The following SDK2 variants were observed in gnomAD, a reference collection of about 807,000 sequenced individuals.
SDK2 encodes the protein protein sidekick-2.
SDK2 carries 105 observed loss-of-function variants against 253.9 expected under a neutral mutation model. That is an observed-to-expected ratio of 0.41 (90% CI 0.35 to 0.49). SDK2 has a LOEUF of 0.49. Ranked by LOEUF, SDK2 falls within the 20% of genes least tolerant of loss-of-function variation. SDK2 has a pLI of 0.06. For missense variants in SDK2, 2,608 were observed against 3,003.0 expected (o/e 0.87, Z 3.07); for synonymous variants, 1,249 against 1,234.9 (o/e 1.01, Z -0.24).
At chr17:73,423,260 G>T in intron 14 of SDK2, 126 bp downstream of exon 14, 3 of 892,804 alleles carry the variant, frequency 3.4e-6, no homozygotes, top group Non-Finnish European at 4.5e-6. Context: ...CGCTGAGGCT[G>T]CCAGAGGGAA....
intron 27 of SDK2, among the ~76,000 whole-genome samples, chr17:73,392,042 A>G (rs1236352517): frequency 1.3e-5 from 2 of 152,144 alleles, no homozygotes; most frequent in Non-Finnish European, 2.9e-5. Flanking sequence ...CAGAGGCTGC[A>G]TGGGCCTCGT....
chr17:73,581,706 C>T (rs1427524182), intron 1 of SDK2, among the ~76,000 whole-genome samples: 3 of 152,234 alleles, frequency 2.0e-5, no homozygotes, highest in African/African-American at 4.8e-5. Flanking sequence ...TCAAAGGACA[C>T]CTCGGGGAGG....
At chr17:73,353,207 C>T (rs901384768) in intron 40 of SDK2, among the ~76,000 whole-genome samples, 14 of 152,102 alleles carry the variant, frequency 9.2e-5, no homozygotes, top group Admixed American at 7.9e-4. Flanking sequence ...ACAGAACCAC[C>T]GTCCAGAGAA....
chr17:73,418,868 C>T lies in SDK2; in HGVS notation c.2186+298G>A, dbSNP rs1290459266. On this transcript the variant is annotated intron_variant, in intron 16 of 44. Coordinates refer to ENST00000392650, the MANE Select transcript of SDK2 (RefSeq NM_001144952.2). ...TATTCGCGGCTTCCCAGAGCGTTGC[C>T]CCTTGGAAAGTTACTTATTTCTTCT... is the stretch of plus-strand genomic sequence containing the variant. Among the ~76,000 whole-genome samples, 8 of 152,270 alleles carry T rather than the reference C, an allele frequency of 5.3e-5. No homozygotes were observed. The South Asian group carries it at 1.5e-3, about 28-fold the overall frequency.
rs143420601 is a variant in SDK2 at position 73,361,819 on chromosome 17, C to G, written c.5332G>C (p.Val1778Leu). The G allele has an allele frequency of 1.9e-6, 3 of 1,602,958 alleles. No homozygotes were observed. The Admixed American group carries it at 5.1e-5, about 27-fold the overall frequency. Residue 1778 changes from valine (V) to leucine (L), a missense_variant, in exon 39 of 45, where the codon GTG (valine) becomes CTG (leucine). Coordinates refer to ENST00000392650, the MANE Select transcript of SDK2 (RefSeq NM_001144952.2). This position sits in a 1 kb window ranked among gnomAD's most constrained non-coding sequence, Gnocchi z 4.1. ...DGVSKIVTVD[V>L]KGNSPLWLKV... is the part of the protein sequence containing the mutation. ...AGCCACAGGGGGCTGTTCCCCTTCACGTCCACGGTCACGATCTTGCTGACT... is the reference window on the plus strand; with the variant it reads ...AGCCACAGGGGGCTGTTCCCCTTCAGGTCCACGGTCACGATCTTGCTGACT...
intron 1 of SDK2, among the ~76,000 whole-genome samples, chr17:73,532,050 G>A (rs1342854567): frequency 6.6e-6 from 1 of 152,150 alleles, no homozygotes; most frequent in Non-Finnish European, 1.5e-5. Flanking sequence ...TTCTCAAGGG[G>A]GGGTCATTCT....
chr17:73,537,222 T>C (rs888237689), intron 1 of SDK2, among the ~76,000 whole-genome samples: 1 of 152,154 alleles, frequency 6.6e-6, no homozygotes, highest in African/African-American at 2.4e-5. Context: ...CCCTGAGAAA[T>C]CAAAGTTGAA....
chr17:73,388,856 T>C (rs1290285548), intron 29 of SDK2, among the ~76,000 whole-genome samples: 1 of 93,324 alleles, frequency 1.1e-5, no homozygotes, highest in Non-Finnish European at 2.3e-5. Flanking sequence ...TTCCTTTTCT[T>C]TCTCCCTCTC....
chr17:73,339,604 C>A (rs2145364705), intron 44 of SDK2, among the ~76,000 whole-genome samples: 1 of 152,148 alleles, frequency 6.6e-6, no homozygotes, highest in Admixed American at 6.5e-5. Context: ...GTTGCCCAGG[C>A]TGGAGCACAG....
intron 36 of SDK2, among the ~76,000 whole-genome samples, chr17:73,378,565 G>A (rs535657965): frequency 2.0e-4 from 30 of 152,092 alleles, no homozygotes; most frequent in African/African-American, 7.0e-4. Context: ...GATTACCGGT[G>A]CCTGCCACCA....
In SDK2 at chr17:73,395,496, C is replaced by A; in HGVS notation, c.3355-104G>T. ...TCCTCCAGGGCGCCTTCAGGGCTAT[C>A]CATCCCACTGTCACCCGGTCAGTGT... On this transcript the variant is annotated intron_variant, in intron 24 of 44. Coordinates refer to ENST00000392650, the MANE Select transcript of SDK2 (RefSeq NM_001144952.2). The surrounding 1 kb of genome is among the most constrained non-coding windows in gnomAD (Gnocchi z 4.3). The A allele has an allele frequency of 1.2e-6, 1 of 827,824 alleles. No homozygotes were observed. The highest frequency in any genetic ancestry group is 2.0e-6 in the Non-Finnish European group (1 of 512,356). The allele number at this position is 827,824 out of a possible 1,614,324, so 51.3% of individuals were successfully genotyped here.
chr17:73,437,611 C>T, intron 8 of SDK2, 128 bp downstream of exon 8: 1 of 821,178 alleles, frequency 1.2e-6, no homozygotes. Context: ...GCTCAGACAG[C>T]CAGACAGACT....
chr17:73,470,591 C>T (rs1350427931), intron 3 of SDK2, among the ~76,000 whole-genome samples: 1 of 152,242 alleles, frequency 6.6e-6, no homozygotes, highest in African/African-American at 2.4e-5. Flanking sequence ...TTTTCTGCTC[C>T]TTGGAGTAAG....
intron 2 of SDK2, among the ~76,000 whole-genome samples, chr17:73,473,899 A>G (rs183480239): frequency 6.6e-6 from 1 of 152,384 alleles, no homozygotes; most frequent in Admixed American, 6.5e-5. Flanking sequence ...AATATTAAAA[A>G]GTGCCAGGGA....
intron 1 of SDK2, among the ~76,000 whole-genome samples, chr17:73,551,801 C>T (rs2045063828): frequency 6.6e-6 from 1 of 152,156 alleles, no homozygotes; most frequent in African/African-American, 2.4e-5. Flanking sequence ...GACCTTCAGA[C>T]CACCCCACCC....
At chr17:73,394,536 T>C (rs1478063948) in intron 25 of SDK2, among the ~76,000 whole-genome samples, 1 of 152,196 alleles carries the variant, frequency 6.6e-6, no homozygotes, top group Non-Finnish European at 1.5e-5. Context: ...CGGTTTCAGA[T>C]GAGCCTCCTC....
chr17:73,353,700 A>AT (rs11370066), intron 40 of SDK2, among the ~76,000 whole-genome samples: 42,280 of 96,950 alleles, frequency 0.44, 10,852 homozygotes, highest in East Asian at 0.69. Flanking sequence ...TGCCTGGCCA[A>AT]TTTTTTTTTT....
chr17:73,636,680 CAAAAAAAAAAAAAA>C (rs561026344), intron 1 of SDK2, among the ~76,000 whole-genome samples: 1 of 50,988 alleles, frequency 2.0e-5, no homozygotes, highest in Non-Finnish European at 3.6e-5. Context: ...GACTCTGTCT[CAAAAAAAAAAAAAA>C]AAAAAAAAAA....
rs1330037710 is a variant in SDK2, at chr17:73,358,135, C to A, written c.5537G>T (p.Ser1846Ile). 5 of 1,613,184 alleles carry A rather than the reference C, an allele frequency of 3.1e-6. No individual in the cohort carries two copies. The highest frequency in any genetic ancestry group is 4.2e-6 in the Non-Finnish European group (5 of 1,179,746). ...GATGGGCCCTTTGCCCGGGTCTCCGCTGGACCAGTGAATGGCGATGGCAGA... is the reference window on the plus strand; with the variant it reads ...GATGGGCCCTTTGCCCGGGTCTCCGATGGACCAGTGAATGGCGATGGCAGA... ...YSSAIAIHWSSGDPGKGPITR... is the reference protein window; with the variant it reads ...YSSAIAIHWSIGDPGKGPITR... Residue 1846 changes from serine to isoleucine, a missense_variant, in exon 40 of 45, where the codon AGC becomes ATC. By Grantham distance (142) the Ser-to-Ile change is moderately radical. This residue lies in a region of SDK2 where 1,103 missense variants were observed against 1,143.9 expected (regional missense o/e 0.96). Coordinates refer to ENST00000392650, the MANE Select transcript of SDK2 (RefSeq NM_001144952.2).
Sources: gnomAD v4.1 joint callset for allele counts (sites outside exome capture counted in the v4.1 genomes callset) on GRCh38, gnomAD v4.1.1 for gene constraint, gnomAD v4.1.1 regional missense constraint, Gnocchi (gnomAD v3.1) non-coding constraint, MANE v1.5 for transcripts, NCBI Gene and HGNC (gene_info 2026-07-23, HGNC 2026-07-21) for gene names.